The following TMCC1 variants were observed in gnomAD, a reference collection of about 807,000 sequenced individuals.
TMCC1 encodes the protein transmembrane and coiled-coil domain family 1, also known as transmembrane and coiled-coil domains protein 1.
Under a neutral mutation model 52.4 loss-of-function variants are expected in TMCC1, and 15 were observed. The observed-to-expected ratio is 0.29, with a 90% confidence interval of 0.19 to 0.44. TMCC1 has a LOEUF of 0.44. Ranked by LOEUF, TMCC1 falls within the 20% of genes least tolerant of loss-of-function variation. The pLI is 1.00. For missense variants in TMCC1, 503 were observed against 806.0 expected, an observed-to-expected ratio of 0.62 and a Z score of 4.55; for synonymous variants, 279 against 301.9, an observed-to-expected ratio of 0.92 and a Z score of 0.79.
At chr3:129,834,901 T>A (rs546301360) in intron 2 of TMCC1, among the ~76,000 whole-genome samples, 7 of 152,354 alleles carry the variant, frequency 4.6e-5, no homozygotes, top group Non-Finnish European at 2.9e-5. Flanking sequence ...CAATTAAATG[T>A]CATCCATACT....
At chr3:129,663,451 A>G (rs957327485) in intron 5 of TMCC1, among the ~76,000 whole-genome samples, 1 of 152,220 alleles carries the variant, frequency 6.6e-6, no homozygotes, top group Admixed American at 6.5e-5. Context: ...GTAGAGAGAC[A>G]CAGTTGGGGT....
chr3:129,664,791 T>C (rs1343445933), intron 5 of TMCC1, among the ~76,000 whole-genome samples: 2 of 152,242 alleles, frequency 1.3e-5, no homozygotes, highest in Non-Finnish European at 2.9e-5. Context: ...ACTTTTCCTT[T>C]TGGTAGCCTA....
chr3:129,743,403 C>A (rs1235072714), intron 4 of TMCC1, among the ~76,000 whole-genome samples: 1 of 152,098 alleles, frequency 6.6e-6, no homozygotes, highest in Admixed American at 6.5e-5. Context: ...ATTAAACATT[C>A]CATAAAAGAC....
At chr3:129,884,235 T>A (rs910482761) in intron 1 of TMCC1, among the ~76,000 whole-genome samples, 1 of 151,986 alleles carries the variant, frequency 6.6e-6, no homozygotes, top group Non-Finnish European at 1.5e-5. Flanking sequence ...AAAGGTAAAA[T>A]ATATGAATAA....
At chr3:129,833,267 T>C (rs1200228322) in intron 2 of TMCC1, among the ~76,000 whole-genome samples, 1 of 152,134 alleles carries the variant, frequency 6.6e-6, no homozygotes, top group Non-Finnish European at 1.5e-5. Flanking sequence ...CCATTCTCTA[T>C]TCAAAGGCAA....
intron 1 of TMCC1, among the ~76,000 whole-genome samples, chr3:129,889,196 C>T (rs1225393799): frequency 1.3e-5 from 2 of 152,108 alleles, no homozygotes; most frequent in African/African-American, 2.4e-5. Flanking sequence ...CACTTGACCC[C>T]AGAGTGTTGA....
intron 4 of TMCC1, among the ~76,000 whole-genome samples, chr3:129,825,413 A>G (rs1171069712): frequency 1.3e-5 from 2 of 152,146 alleles, no homozygotes; most frequent in African/African-American, 2.4e-5. Context: ...AAATCTGGCT[A>G]TAAATAAGAA....
intron 2 of TMCC1, among the ~76,000 whole-genome samples, chr3:129,836,360 A>G (rs1157927453): frequency 2.0e-5 from 3 of 152,188 alleles, no homozygotes; most frequent in Admixed American, 2.0e-4. Context: ...CTGGACCTAA[A>G]TAAGACATTA....
chr3:129,876,830 G>A (rs1031317511), intron 2 of TMCC1, among the ~76,000 whole-genome samples: 9 of 151,898 alleles, frequency 5.9e-5, no homozygotes, highest in Admixed American at 2.6e-4. Flanking sequence ...GGTGGCAGGC[G>A]CCTGTAGTCC....
At chr3:129,652,890 G>A (rs1295675352) in intron 6 of TMCC1, among the ~76,000 whole-genome samples, 4 of 152,222 alleles carry the variant, frequency 2.6e-5, no homozygotes, top group Non-Finnish European at 5.9e-5. Context: ...TCCCTGAAAT[G>A]TATAAAGCCA....
intron 4 of TMCC1, among the ~76,000 whole-genome samples, chr3:129,803,233 G>A (rs1039302133): frequency 6.6e-6 from 1 of 152,126 alleles, no homozygotes; most frequent in African/African-American, 2.4e-5. Flanking sequence ...TGAACCTTGA[G>A]GACATTATGC....
At chr3:129,692,634 G>C (rs2047107315) in intron 4 of TMCC1, among the ~76,000 whole-genome samples, 1 of 152,144 alleles carries the variant, frequency 6.6e-6, no homozygotes, top group South Asian at 2.1e-4. Context: ...GCTTGTGTAT[G>C]ACGTAGTTCT....
chr3:129,832,077 G>A (rs1022353054), intron 3 of TMCC1, among the ~76,000 whole-genome samples: 2 of 151,850 alleles, frequency 1.3e-5, no homozygotes, highest in Non-Finnish European at 2.9e-5. Flanking sequence ...GGCTGGTCTC[G>A]AACTCCTGAC....
chr3:129,792,339 G>A (rs1332851534), intron 4 of TMCC1, among the ~76,000 whole-genome samples: 5 of 151,826 alleles, frequency 3.3e-5, no homozygotes, highest in Non-Finnish European at 7.4e-5. Context: ...ATAGAGGCAC[G>A]ATGCATTTGC....
intron 4 of TMCC1, 174 bp downstream of exon 4, chr3:129,827,629 G>A (rs2058712868): frequency 1.5e-6 from 1 of 678,564 alleles, no homozygotes; most frequent in African/African-American, 1.8e-5. Flanking sequence ...ATAATTCTAA[G>A]CATTCATTCA....
intron 4 of TMCC1, among the ~76,000 whole-genome samples, chr3:129,740,431 A>G (rs913726379): frequency 6.6e-6 from 1 of 152,238 alleles, no homozygotes; most frequent in Non-Finnish European, 1.5e-5. Flanking sequence ...GCAATGGCAT[A>G]GGATAAATCA....
In TMCC1 at chr3:129,885,868, G is replaced by A. The variant is rs185030268; in HGVS notation, c.-434-5309C>T. On this transcript the variant is annotated intron_variant, in intron 1 of 6. Coordinates refer to ENST00000393238, the MANE Select transcript of TMCC1 (RefSeq NM_001017395.5). Reference sequence around the variant, plus strand: ...AGCAATTCTCCTGCCTCAGCCTCCCGAGTAGCTGGGATTACAGGCGCCCAC... The same window carrying A: ...AGCAATTCTCCTGCCTCAGCCTCCCAAGTAGCTGGGATTACAGGCGCCCAC... Among the ~76,000 whole-genome samples, 1,063 of 150,756 alleles carry A rather than the reference G, an allele frequency of 7.1e-3. 12 individuals carry two copies. Among genetic ancestry groups the A allele is most frequent in the African/African-American group, 0.025 (1,015 of 41,326 alleles).
chr3:129,726,964 G>A (rs1230821767), intron 4 of TMCC1, among the ~76,000 whole-genome samples: 1 of 143,762 alleles, frequency 7.0e-6, no homozygotes, highest in Non-Finnish European at 1.5e-5. Context: ...AAGGAGAATT[G>A]AATGATGTAG....
At chr3:129,752,408 C>T (rs2052608155) in intron 4 of TMCC1, among the ~76,000 whole-genome samples, 2 of 152,088 alleles carry the variant, frequency 1.3e-5, no homozygotes, top group South Asian at 4.1e-4. Context: ...CTATACTCAC[C>T]CTGGGAGGTC....
Sources: allele counts gnomAD v4.1 joint callset (sites outside exome capture counted in the v4.1 genomes callset), GRCh38; gene constraint gnomAD v4.1.1; transcripts MANE v1.5; gene names NCBI Gene and HGNC (gene_info 2026-07-23, HGNC 2026-07-21).